The following BRDT variants were observed in gnomAD, a reference collection of about 807,000 sequenced individuals.
BRDT encodes bromodomain testis-specific protein.
In BRDT, 77 loss-of-function variants were observed where a neutral mutation model predicts 113.9. The ratio of observed to expected loss-of-function variants is 0.68; its 90% CI spans 0.56 to 0.82. The LOEUF is 0.82. Ranked by LOEUF, BRDT falls within the 40% of genes least tolerant of loss-of-function variation. The probability of loss-of-function intolerance (pLI) is 0.00; values close to 1 mark genes in which losing one functional copy is unlikely to be tolerated. For missense variants in BRDT, 1,027 were observed against 1,105.4 expected (o/e 0.93, Z 1.01); for synonymous variants, 358 against 366.5 (o/e 0.98, Z 0.26).
At chr1:91,994,815 C>T (rs1250060546) in intron 15 of BRDT, among the ~76,000 whole-genome samples, 2 of 134,768 alleles carry the variant, frequency 1.5e-5, no homozygotes, top group African/African-American at 5.5e-5. Flanking sequence ...TTGCAGTGAG[C>T]CGAGATCCCG....
At chr1:91,978,061 G>A in intron 6 of BRDT, 107 bp from the exon 7 acceptor site, 1 of 1,108,812 alleles carries the variant, frequency 9.0e-7, no homozygotes, top group Non-Finnish European at 1.3e-6. Context: ...GTGGACAACT[G>A]TTTTCTGTAT....
At chr1:92,013,919 A>G (rs1247809435) in intron 18 of BRDT, among the ~76,000 whole-genome samples, 1 of 152,154 alleles carries the variant, frequency 6.6e-6, no homozygotes, top group Non-Finnish European at 1.5e-5. Context: ...GTCAACATTG[A>G]ACTTTCTCTT....
chr1:91,996,574 CT>C (rs1158646483), intron 15 of BRDT, among the ~76,000 whole-genome samples: 1 of 152,142 alleles, frequency 6.6e-6, no homozygotes, highest in Non-Finnish European at 1.5e-5. Flanking sequence ...GAAAAAATTG[CT>C]GCTTACCATG....
At position 92,007,041 on chromosome 1, in the gene BRDT, G is replaced by A. The variant is rs368202510; in HGVS notation, c.2775+1742G>A. 1.3e-4 allele frequency among the ~76,000 whole-genome samples: 20 copies of A among 152,240 alleles called. No individual in the cohort carries two copies. The East Asian group carries it at 3.7e-3, about 28-fold the overall frequency. ...TGAGCTCAGGCAATCCACCCACCTT[G>A]GCCTCCCAAAGTGTTAGGATGACAG... On this transcript the variant is annotated intron_variant, in intron 18 of 18. Transcript: ENST00000399546.
chr1:92,005,035 C>A, intron 17 of BRDT, 84 bp from the exon 18 acceptor site: 1 of 1,093,898 alleles, frequency 9.1e-7, no homozygotes, highest in Non-Finnish European at 1.2e-6. Flanking sequence ...TAATATATGG[C>A]TTTATATTTG....
At position 92,004,249 on chromosome 1, in the gene BRDT, A is replaced by AACTTTAGTAACCTTTG. The variant is rs1438884997; in HGVS notation, c.2389-149_2389-134dup. ...TATTATGTTTTTGTATTTTTTTTCT[A>AACTTTAGTAACCTTTG]ACTTTAGTAACCTTTGACTTTAGTA... is the stretch of plus-strand genomic sequence containing the variant. On this transcript the variant is annotated intron_variant, in intron 16 of 18. Transcript: ENST00000399546. 2.0e-5 allele frequency among the ~76,000 whole-genome samples: 3 copies of AACTTTAGTAACCTTTG among 152,062 alleles called. No individual in the cohort carries two copies. In the East Asian group the frequency reaches 5.8e-4, roughly 29 times the overall value.
At chr1:91,964,581 A>G (rs1468546226) in intron 2 of BRDT, 46 bp from the exon 3 acceptor site, 37 of 1,178,896 alleles carry the variant, frequency 3.1e-5, no homozygotes, top group Non-Finnish European at 4.1e-5. Flanking sequence ...CAATAGTTGT[A>G]GTGTATTCAT....
intron 1 of BRDT, among the ~76,000 whole-genome samples, chr1:91,951,630 C>T (rs1015349501): frequency 7.9e-5 from 12 of 151,184 alleles, no homozygotes; most frequent in African/African-American, 1.7e-4. Context: ...AAAAATTAGC[C>T]GGGCGTGGTG....
chr1:91,960,843 TGAG>T (rs1682369754), intron 1 of BRDT, among the ~76,000 whole-genome samples: 1 of 152,210 alleles, frequency 6.6e-6, no homozygotes, highest in African/African-American at 2.4e-5. Flanking sequence ...CTTATGTACT[TGAG>T]GTATTATGTG....
At position 91,979,554 on chromosome 1, in the gene BRDT, A is replaced by G; in HGVS notation, c.1099-15A>G. On this transcript the variant is annotated splice_polypyrimidine_tract_variant and intron_variant, in intron 7 of 18. Coordinates refer to ENST00000399546, the MANE Select transcript of BRDT (RefSeq NM_207189.4). ...AAAATACAGAAAACCATAACAAACT[A>G]ATTTTTCATTACAGGATGTTTTCGA... 1 of 1,598,154 alleles carries G rather than the reference A, an allele frequency of 6.3e-7. No homozygotes were observed. The highest frequency in any genetic ancestry group is 8.5e-7 in the Non-Finnish European group (1 of 1,175,896).
chr1:91,968,045 G>C, intron 3 of BRDT, 101 bp from the exon 4 acceptor site: 2 of 1,142,560 alleles, frequency 1.8e-6, no homozygotes, highest in South Asian at 3.3e-5. Flanking sequence ...TACCGTCTAG[G>C]AGTACTATGT....
At chr1:91,980,301 A>G (rs1252862761) in intron 8 of BRDT, among the ~76,000 whole-genome samples, 2 of 134,862 alleles carry the variant, frequency 1.5e-5, no homozygotes, top group African/African-American at 5.2e-5. Flanking sequence ...TTGAGGCTGC[A>G]GTGAGCCAGG....
intron 1 of BRDT, among the ~76,000 whole-genome samples, chr1:91,961,578 G>A (rs72954708): frequency 0.066 from 9,986 of 152,084 alleles, 347 homozygotes; most frequent in Non-Finnish European, 0.087. Flanking sequence ...ACAGTGGGCC[G>A]AGATCGCGCC....
intron 4 of BRDT, among the ~76,000 whole-genome samples, chr1:91,974,261 C>A (rs571764009): frequency 6.6e-6 from 1 of 152,256 alleles, no homozygotes; most frequent in African/African-American, 2.4e-5. Context: ...AAAGCAATGG[C>A]AACAAAAGCC....
At chr1:91,966,704 ATTAC>A (rs1314796672) in intron 3 of BRDT, among the ~76,000 whole-genome samples, 3 of 152,218 alleles carry the variant, frequency 2.0e-5, no homozygotes, top group African/African-American at 4.8e-5. Context: ...TGCTTTGTAA[ATTAC>A]TTACTTTTTT....
At position 91,977,354 on chromosome 1, in the gene BRDT, T is replaced by C. The variant is rs781171005; in HGVS notation, c.930T>C (p.Tyr310=). ...DVNALGLHNY[Y]DVVKNPMDLG... ...ATGCTTTGGGACTCCATAACTACTA[T>C]GACGTTGTCAAAAATCCGATGGATC... The change falls in exon 6 of 19, where the codon TAT becomes TAC. Residue 310 remains tyrosine, a synonymous_variant. Coordinates refer to ENST00000399546, the MANE Select transcript of BRDT (RefSeq NM_207189.4). The C allele has an allele frequency of 3.8e-6, 6 of 1,597,982 alleles. No individual in the cohort carries two copies. The highest frequency in any genetic ancestry group is 3.5e-5 in the Admixed American group (2 of 56,622).
chr1:91,974,011 A>C (rs1683876177), intron 4 of BRDT, among the ~76,000 whole-genome samples: 1 of 152,194 alleles, frequency 6.6e-6, no homozygotes, highest in African/African-American at 2.4e-5. Flanking sequence ...TCTTTGACAA[A>C]CCTGACAAAA....
intron 3 of BRDT, among the ~76,000 whole-genome samples, chr1:91,967,493 G>A (rs183969843): frequency 1.3e-4 from 19 of 151,912 alleles, no homozygotes; most frequent in African/African-American, 4.1e-4. Flanking sequence ...CTGCCTCCCG[G>A]GTTCAAGCAA....
chr1:91,964,006 G>A (rs1682787954), intron 2 of BRDT, among the ~76,000 whole-genome samples: 1 of 151,876 alleles, frequency 6.6e-6, no homozygotes, highest in African/African-American at 2.4e-5. Context: ...CAAGTAGCTG[G>A]GAAGACAGGC....
Sources: gnomAD v4.1 joint callset for allele counts (sites outside exome capture counted in the v4.1 genomes callset) on GRCh38, gnomAD v4.1.1 for gene constraint, MANE v1.5 for transcripts, NCBI Gene and HGNC (gene_info 2026-07-23, HGNC 2026-07-21) for gene names.